Variants in MARCO observed in about 807,000 individuals in gnomAD.
MARCO encodes the protein macrophage receptor MARCO.
In MARCO, 72 loss-of-function variants were observed where a neutral mutation model predicts 70.0. The ratio of observed to expected loss-of-function variants is 1.03; its 90% CI spans 0.85 to 1.25. The LOEUF (loss-of-function observed/expected upper bound fraction) is 1.25, where lower values mean the gene tolerates loss of function less well. Among genes scored for constraint, MARCO ranks in the 50% most tolerant of loss-of-function variants. The probability of loss-of-function intolerance (pLI) is 0.00; values close to 1 mark genes in which losing one functional copy is unlikely to be tolerated. For synonymous variants in MARCO, 273 were observed against 243.1 expected (o/e 1.12, Z -1.14); for missense variants, 696 against 659.3 (o/e 1.06, Z -0.61).
intron 1 of MARCO, among the ~76,000 whole-genome samples, chr2:118,947,500 G>A (rs888085375): frequency 7.2e-5 from 11 of 152,058 alleles, no homozygotes; most frequent in South Asian, 2.1e-4. Context: ...ATTGATTCTC[G>A]TATAACGTAT....
intron 1 of MARCO, among the ~76,000 whole-genome samples, chr2:118,965,737 AC>A (rs1215204628): frequency 6.6e-6 from 1 of 152,216 alleles, no homozygotes; most frequent in Non-Finnish European, 1.5e-5. Flanking sequence ...GTTCTGGCCT[AC>A]TTGTGTGGGC....
At chr2:118,947,310 A>G (rs1428340996) in intron 1 of MARCO, among the ~76,000 whole-genome samples, 2 of 152,030 alleles carry the variant, frequency 1.3e-5, no homozygotes, top group Non-Finnish European at 2.9e-5. Context: ...TTATTTTTAT[A>G]TGTTAGAGAC....
chr2:118,969,141 C>G lies in MARCO; in HGVS notation c.98-19C>G. 6.3e-7 allele frequency: 1 copy of G among 1,580,198 alleles called. No homozygotes were observed. Among genetic ancestry groups the G allele is most frequent in the South Asian group, 1.1e-5 (1 of 90,416 alleles). The stretch of plus-strand genomic sequence containing the variant: ...TGTGTTCTCTGCAGCAGCCTCCTTC[C>G]TCCTGGCTTGTGTTTCAGTTCCAAA... On this transcript the variant is annotated intron_variant, in intron 1 of 16. Transcript: ENST00000327097.
In MARCO at chr2:118,973,590, G is replaced by T. The variant is rs1007918809; in HGVS notation, c.461-743G>T. ...CCTTCCCCATGGCTTGCCTTGCCTG[G>T]TCAAGACTTCCCAGAGGTTCCTTTG... On this transcript the variant is annotated intron_variant, in intron 4 of 16. Coordinates refer to ENST00000327097, the MANE Select transcript of MARCO (RefSeq NM_006770.4). Among the ~76,000 whole-genome samples the T allele has an allele frequency of 2.6e-5, 4 of 152,194 alleles. No individual in the cohort carries two copies. In the East Asian group the frequency reaches 7.7e-4, roughly 29 times the overall value.
At chr2:118,942,669 C>T (rs1679526666) in intron 1 of MARCO, among the ~76,000 whole-genome samples, 1 of 152,132 alleles carries the variant, frequency 6.6e-6, no homozygotes, top group East Asian at 1.9e-4. Context: ...AATGCCAATG[C>T]TTATTAAATG....
intron 1 of MARCO, among the ~76,000 whole-genome samples, chr2:118,954,880 T>G (rs886416123): frequency 6.6e-6 from 1 of 151,966 alleles, no homozygotes; most frequent in Non-Finnish European, 1.5e-5. Flanking sequence ...GAATACTACA[T>G]CAAGGGAACA....
Position 118,981,656 on chromosome 2 carries a change from G to A in MARCO, c.901G>A (p.Gly301Arg). 6.2e-7 allele frequency: 1 copy of A among 1,613,832 alleles called. No individual in the cohort carries two copies. Among genetic ancestry groups the A allele is most frequent in the Non-Finnish European group, 8.5e-7 (1 of 1,179,854 alleles). Residue 301 changes from glycine to arginine, a missense_variant and splice_region_variant, in exon 10 of 17, where the codon GGA becomes AGA. This residue lies in a region of MARCO where 605 missense variants were observed against 537.6 expected (regional missense o/e 1.13). Coordinates refer to ENST00000327097, the MANE Select transcript of MARCO (RefSeq NM_006770.4). The part of the protein sequence containing the change: ...AGFPGAKGDQ[G>R]QPGLQGVPGP... The stretch of plus-strand genomic sequence containing the variant: ...TTTTCCTGGAGCTAAAGGAGATCAA[G>A]GTAAGAACTACAGGAATCTGGGCAT...
intron 13 of MARCO, among the ~76,000 whole-genome samples, chr2:118,990,972 T>C (rs1461245839): frequency 6.6e-6 from 1 of 152,130 alleles, no homozygotes; most frequent in Non-Finnish European, 1.5e-5. Context: ...TTCTGCTCCA[T>C]CCACGGCTGC....
In MARCO at chr2:118,994,650, A is replaced by C; in HGVS notation, c.*130A>C. 3.5e-6 allele frequency: 3 copies of C among 861,092 alleles called. No homozygotes were observed. Among genetic ancestry groups the C allele is most frequent in the Non-Finnish European group, 5.2e-6 (3 of 575,734 alleles). 53.3% of individuals were successfully genotyped at this position (861,092 alleles called of 1,614,324 possible). ...GGAGAGGGGCCATTAATAAAGCTCA[A>C]CATCATTGGCTGTGGCTGAGTGTCA... On this transcript the variant is annotated 3_prime_UTR_variant, in exon 17 of 17. Transcript: ENST00000327097.
At chr2:118,979,282 C>G (rs1017101932) in intron 8 of MARCO, among the ~76,000 whole-genome samples, 1 of 152,146 alleles carries the variant, frequency 6.6e-6, no homozygotes, top group Non-Finnish European at 1.5e-5. Context: ...ACCAATTGTG[C>G]TAAGGCAAGG....
chr2:118,991,424 G>A (rs957943276), intron 13 of MARCO, among the ~76,000 whole-genome samples: 3 of 152,022 alleles, frequency 2.0e-5, no homozygotes, highest in African/African-American at 7.3e-5. Context: ...ACTGTACTCG[G>A]CCTCTGTTAC....
intron 1 of MARCO, among the ~76,000 whole-genome samples, chr2:118,944,040 C>T (rs1679551187): frequency 2.0e-5 from 3 of 152,058 alleles, no homozygotes; most frequent in Admixed American, 1.3e-4. Flanking sequence ...GAAATCAGAT[C>T]AATTGGACTG....
chr2:118,990,567 C>A lies in MARCO; in HGVS notation c.1064-22C>A, dbSNP rs116412702. 543 of 1,573,630 alleles carry A rather than the reference C, an allele frequency of 3.5e-4. 4 individuals carry two copies. Among genetic ancestry groups the A allele is most frequent in the Non-Finnish European group, 4.0e-4 (458 of 1,143,974 alleles). On this transcript the variant is annotated intron_variant, in intron 12 of 16. Coordinates refer to ENST00000327097, the MANE Select transcript of MARCO (RefSeq NM_006770.4). ...TAAGTTTTATTATCTCCTCCCCCCCCCCTTTTTTGTTTTGATCTTAGGACT... is the reference window on the plus strand; with the variant it reads ...TAAGTTTTATTATCTCCTCCCCCCCACCTTTTTTGTTTTGATCTTAGGACT...
intron 10 of MARCO, 107 bp downstream of exon 10, chr2:118,981,763 A>G (rs561280787): frequency 4.0e-4 from 473 of 1,173,514 alleles, no homozygotes; most frequent in Middle Eastern, 3.0e-3. Flanking sequence ...GTATTCACCC[A>G]GAACACCTGG....
At chr2:118,978,941 G>A (rs1054527877) in intron 8 of MARCO, among the ~76,000 whole-genome samples, 35 of 152,098 alleles carry the variant, frequency 2.3e-4, no homozygotes, top group African/African-American at 8.5e-4. Flanking sequence ...TTCTGATATG[G>A]CTCACTAACT....
At chr2:118,969,379 T>C in intron 2 of MARCO, 118 bp downstream of exon 2, 1 of 721,528 alleles carries the variant, frequency 1.4e-6, no homozygotes, top group Non-Finnish European at 2.4e-6. Flanking sequence ...TCCCATCTGC[T>C]GGGAGACAGT....
At chr2:118,990,556 TCCTCC>T in intron 12 of MARCO, 28 bp from the exon 13 acceptor site, 14 of 1,566,092 alleles carry the variant, frequency 8.9e-6, no homozygotes, top group South Asian at 2.2e-5. Flanking sequence ...TTTTATTATC[TCCTCC>T]CCCCCCCCTT....
intron 1 of MARCO, among the ~76,000 whole-genome samples, chr2:118,959,502 T>TGTG (rs1260718639): frequency 6.6e-6 from 1 of 152,096 alleles, no homozygotes; most frequent in Middle Eastern, 3.2e-3. Context: ...TTGGCATGGA[T>TGTG]GTGGTGATCA....
chr2:118,973,824 C>T (rs1361884676), intron 4 of MARCO, among the ~76,000 whole-genome samples: 3 of 152,222 alleles, frequency 2.0e-5, no homozygotes, highest in Non-Finnish European at 1.5e-5. Context: ...CTCCCCTATC[C>T]ATCCTGGACT....
Sources: gnomAD v4.1 joint callset for allele counts (sites outside exome capture counted in the v4.1 genomes callset) on GRCh38, gnomAD v4.1.1 for gene constraint, gnomAD v4.1.1 regional missense constraint, MANE v1.5 for transcripts, NCBI Gene and HGNC (gene_info 2026-07-23, HGNC 2026-07-21) for gene names.